The following GRK2 variants were observed in gnomAD, a reference collection of about 807,000 sequenced individuals.
GRK2 encodes the protein adrenergic beta receptor kinase 1.
In GRK2, 23 loss-of-function variants were observed where a neutral mutation model predicts 97.8. The ratio of observed to expected loss-of-function variants is 0.24; its 90% CI spans 0.17 to 0.33. The LOEUF (loss-of-function observed/expected upper bound fraction) is 0.33, where lower values mean the gene tolerates loss of function less well. Among genes scored for constraint, GRK2 ranks in the 10% least tolerant of loss-of-function variants. GRK2 has a pLI of 1.00. For synonymous variants in GRK2, 425 were observed against 381.7 expected (o/e 1.11, Z -1.32); for missense variants, 633 against 956.9 (o/e 0.66, Z 4.47).
At chr11:67,274,013 T>C (rs1859968174) in intron 1 of GRK2, among the ~76,000 whole-genome samples, 1 of 148,640 alleles carries the variant, frequency 6.7e-6, no homozygotes, top group Admixed American at 6.7e-5. Context: ...TGGCACCTTT[T>C]TTTTTTTTTT....
At chr11:67,283,529 G>A (rs745455325) in intron 15 of GRK2, 178 bp from the exon 16 acceptor site, 99 of 668,518 alleles carry the variant, frequency 1.5e-4, no homozygotes, top group Non-Finnish European at 2.3e-4. Context: ...AAATTTACCA[G>A]TGTTAAAACC....
At position 67,269,937 on chromosome 11, in the gene GRK2, G is replaced by A. The variant is rs567567278; in HGVS notation, c.113+3125G>A. 5.9e-5 allele frequency among the ~76,000 whole-genome samples: 9 copies of A among 152,322 alleles called. No homozygotes were observed. The highest frequency in any genetic ancestry group is 5.9e-4 in the Admixed American group (9 of 15,308). The stretch of plus-strand genomic sequence containing the variant: ...CTTCTGTCACCCTATAGAATCCAAG[G>A]AAACAGTCCCTTTCCCCGACCTTCT... On this transcript the variant is annotated intron_variant, in intron 1 of 20. Transcript: ENST00000308595. The surrounding 1 kb of genome is among the most constrained non-coding windows in gnomAD (Gnocchi z 4.1).
In GRK2 at chr11:67,281,197, C is replaced by T; in HGVS notation, c.647+13C>T. 2.5e-6 allele frequency: 4 copies of T among 1,608,510 alleles called. No homozygotes were observed. The highest frequency in any genetic ancestry group is 3.4e-6 in the Non-Finnish European group (4 of 1,176,710). Reference sequence around the variant, plus strand: ...ACACAGGCAAGATGTGAGCACCCTGCTCGGCGCGGTGGGATACCTCGGGGA... The same window carrying T: ...ACACAGGCAAGATGTGAGCACCCTGTTCGGCGCGGTGGGATACCTCGGGGA... On this transcript the variant is annotated intron_variant, in intron 8 of 20. Coordinates refer to ENST00000308595, the MANE Select transcript of GRK2 (RefSeq NM_001619.5). This position sits in a 1 kb window ranked among gnomAD's most constrained non-coding sequence, Gnocchi z 5.7.
chr11:67,281,983 C>T lies in GRK2; in HGVS notation c.957+31C>T, dbSNP rs1403048341. On this transcript the variant is annotated intron_variant, in intron 11 of 20. Transcript: ENST00000308595. This position sits in a 1 kb window ranked among gnomAD's most constrained non-coding sequence, Gnocchi z 5.7. ...CGCCCCTGCTGTCCCCAGGCTGGAC[C>T]TCCGTGGCTGTCCTCTCCTTCCTCT... 6 of 1,612,370 alleles carry T rather than the reference C, an allele frequency of 3.7e-6. No homozygotes were observed. The South Asian group carries it at 5.5e-5, about 15-fold the overall frequency.
At position 67,286,119 on chromosome 11, in the gene GRK2, C is replaced by T. The variant is rs1202424022; in HGVS notation, c.*669C>T. ...TCCCCTCTTGCCCCAACCCCCAGCA[C>T]CCGGGCTCAGGGACCACAGCAAGGC... On this transcript the variant is annotated 3_prime_UTR_variant, in exon 21 of 21. Coordinates refer to ENST00000308595, the MANE Select transcript of GRK2 (RefSeq NM_001619.5). 1 of 440,294 alleles carries T rather than the reference C, an allele frequency of 2.3e-6. No individual in the cohort carries two copies. The highest frequency in any genetic ancestry group is 2.1e-5 in the African/African-American group (1 of 47,686). The allele number at this position is 440,294 out of a possible 1,614,324, so 27.3% of individuals were successfully genotyped here.
Position 67,285,456 on chromosome 11 carries a change from C to A in GRK2, c.*6C>A. On this transcript the variant is annotated 3_prime_UTR_variant, in exon 21 of 21. Transcript: ENST00000308595. ...GCAGTGCCAACGGCCTCTGACCCGC[C>A]CACCCGCCTTTTATAAACCTCTAAT... 6.5e-7 allele frequency: 1 copy of A among 1,531,648 alleles called. No homozygotes were observed. Among genetic ancestry groups the A allele is most frequent in the Non-Finnish European group, 8.8e-7 (1 of 1,141,684 alleles). 94.9% of individuals were successfully genotyped at this position (1,531,648 alleles called of 1,614,324 possible). A position where few individuals can be genotyped will look rare whatever the true frequency, so the allele number is the denominator to read the frequency against.
At position 67,266,767 on chromosome 11, in the gene GRK2, C is replaced by T; in HGVS notation, c.68C>T (p.Thr23Met). Residue 23 changes from threonine to methionine, a missense_variant, in exon 1 of 21, where the codon ACG becomes ATG. Physicochemically the swap from Thr to Met is moderately conservative, Grantham distance 81. This residue lies in a region of GRK2 where 193 missense variants were observed against 212.2 expected (regional missense o/e 0.91). Transcript: ENST00000308595. ...ATGGCCATGGAGAAGAGCAAGGCCACGCCGGCCGCGCGCGCCAGCAAGAAG... is the reference window on the plus strand; with the variant it reads ...ATGGCCATGGAGAAGAGCAAGGCCATGCCGGCCGCGCGCGCCAGCAAGAAG... The part of the protein sequence containing the change: ...YLMAMEKSKA[T>M]PAARASKKIL... 1.5e-6 allele frequency: 2 copies of T among 1,374,344 alleles called. No individual in the cohort carries two copies. Among genetic ancestry groups the T allele is most frequent in the Non-Finnish European group, 1.9e-6 (2 of 1,051,294 alleles). The allele number at this position is 1,374,344 out of a possible 1,614,324, so 85.1% of individuals were successfully genotyped here.
At position 67,285,411 on chromosome 11, in the gene GRK2, G is replaced by C; in HGVS notation, c.2031G>C (p.Lys677Asn). The C allele has an allele frequency of 6.2e-7, 1 of 1,601,074 alleles. No homozygotes were observed. Among genetic ancestry groups the C allele is most frequent in the Non-Finnish European group, 8.5e-7 (1 of 1,173,062 alleles). Residue 677 changes from lysine to asparagine, a missense_variant, in exon 21 of 21, where the codon AAG (lysine) becomes AAC (asparagine). This residue lies in a region of GRK2 where 180 missense variants were observed against 311.3 expected (regional missense o/e 0.58). Coordinates refer to ENST00000308595, the MANE Select transcript of GRK2 (RefSeq NM_001619.5). The part of the protein sequence containing the change: ...KPRSPVVELS[K>N]VPLVQRGSAN... The stretch of plus-strand genomic sequence containing the variant: ...GCTCGCCCGTGGTGGAGCTGAGCAA[G>C]GTGCCGCTGGTCCAGCGCGGCAGTG...
In GRK2 at chr11:67,281,423, G is replaced by C; in HGVS notation, c.648-36G>C. 1 of 1,589,212 alleles carries C rather than the reference G, an allele frequency of 6.3e-7. No individual in the cohort carries two copies. Among genetic ancestry groups the C allele is most frequent in the South Asian group, 1.1e-5 (1 of 90,568 alleles). ...TGAGGCAGCCCTGGGCCCCTGCTCT[G>C]AGGGTGGGTGTTGACTGCCGACCTC... On this transcript the variant is annotated intron_variant, in intron 8 of 20. Coordinates refer to ENST00000308595, the MANE Select transcript of GRK2 (RefSeq NM_001619.5). The surrounding 1 kb of genome is among the most constrained non-coding windows in gnomAD (Gnocchi z 5.7).
chr11:67,286,397 G>A lies in GRK2; in HGVS notation c.*947G>A, dbSNP rs761034699. Reference sequence around the variant, plus strand: ...CCGCATGCCCCCTCGTGCCAGTCGCGCTGCCTGTGTGGTGTCGCGCCTTCT... The same window carrying A: ...CCGCATGCCCCCTCGTGCCAGTCGCACTGCCTGTGTGGTGTCGCGCCTTCT... On this transcript the variant is annotated 3_prime_UTR_variant, in exon 21 of 21. Coordinates refer to ENST00000308595, the MANE Select transcript of GRK2 (RefSeq NM_001619.5). The A allele has an allele frequency of 4.3e-6, 3 of 700,268 alleles. No homozygotes were observed. Among genetic ancestry groups the A allele is most frequent in the South Asian group, 1.5e-5 (1 of 67,460 alleles). 43.4% of individuals were successfully genotyped at this position (700,268 alleles called of 1,614,324 possible). A position where few individuals can be genotyped will look rare whatever the true frequency, so the allele number is the denominator to read the frequency against.
In GRK2 at chr11:67,282,731, T is replaced by A. The variant is rs1436077422; in HGVS notation, c.1161-21T>A. ...CCCCATTCCTGTCCTTTGACATTGGTTTTTGGCCTTTCTTGCCCAGGCACA... is the reference window on the plus strand; with the variant it reads ...CCCCATTCCTGTCCTTTGACATTGGATTTTGGCCTTTCTTGCCCAGGCACA... On this transcript the variant is annotated intron_variant, in intron 13 of 20. Coordinates refer to ENST00000308595, the MANE Select transcript of GRK2 (RefSeq NM_001619.5). This position sits in a 1 kb window ranked among gnomAD's most constrained non-coding sequence, Gnocchi z 6.9. 6.2e-7 allele frequency: 1 copy of A among 1,610,232 alleles called. No homozygotes were observed. The highest frequency in any genetic ancestry group is 2.2e-5 in the East Asian group (1 of 44,776).
intron 14 of GRK2, 93 bp from the exon 15 acceptor site, chr11:67,283,035 C>T: frequency 7.4e-7 from 1 of 1,343,844 alleles, no homozygotes; most frequent in African/African-American, 1.4e-5. Context: ...CCATCTGTCC[C>T]TCTGCGGGGG....
intron 15 of GRK2, 39 bp from the exon 16 acceptor site, chr11:67,283,668 G>C (rs1234741108): frequency 1.9e-6 from 3 of 1,606,708 alleles, no homozygotes; most frequent in Non-Finnish European, 2.6e-6. Context: ...CCGGGACTCA[G>C]GGTGGGGCTG....
intron 1 of GRK2, among the ~76,000 whole-genome samples, chr11:67,275,172 T>A (rs1860002902): frequency 6.6e-6 from 1 of 152,190 alleles, no homozygotes; most frequent in Non-Finnish European, 1.5e-5. Context: ...TCGCTCGGCC[T>A]TTCCTGAGGA....
intron 2 of GRK2, 58 bp downstream of exon 2, chr11:67,277,406 C>G (rs970262922): frequency 6.7e-6 from 10 of 1,503,206 alleles, no homozygotes; most frequent in Non-Finnish European, 9.2e-6. Context: ...CCTACCCCAG[C>G]CAGCCCAGCT....
In GRK2 at chr11:67,284,853, C is replaced by T. The variant is rs2136506284; in HGVS notation, c.1661C>T (p.Ala554Val). The part of the protein sequence containing the change: ...NKQLGHEEDY[A>V]LGKDCIMHGY... ...CCTCTGTCTCTCGCCTCAGACTACG[C>T]CCTGGGCAAGGACTGCATCATGCAT... The change falls in exon 19 of 21, where the codon GCC becomes GTC. Residue 554 changes from alanine (A) to valine (V), a missense_variant. Physicochemically the swap from Ala to Val is moderately conservative, Grantham distance 64 (BLOSUM62 0). Around this residue, in one of 4 missense-constraint regions of GRK2, gnomAD observed 180 missense variants for 311.3 expected, o/e 0.58. Coordinates refer to ENST00000308595, the MANE Select transcript of GRK2 (RefSeq NM_001619.5). The T allele has an allele frequency of 6.2e-7, 1 of 1,612,700 alleles. No individual in the cohort carries two copies. Among genetic ancestry groups the T allele is most frequent in the South Asian group, 1.1e-5 (1 of 91,028 alleles).
Position 67,281,147 on chromosome 11 carries a change from G to A in GRK2, c.610G>A (p.Glu204Lys), listed in dbSNP as rs1221281854. ...CATCATTGGGCGCGGGGGCTTTGGC[G>A]AGGTCTATGGGTGCCGGAAGGCTGA... ...HRIIGRGGFGEVYGCRKADTG... is the reference protein window; with the variant it reads ...HRIIGRGGFGKVYGCRKADTG... The change falls in exon 8 of 21, where the codon GAG becomes AAG. Residue 204 changes from glutamate (E) to lysine (K), a missense_variant. Around this residue, in one of 4 missense-constraint regions of GRK2, gnomAD observed 192 missense variants for 362.3 expected, o/e 0.53. Transcript: ENST00000308595. The surrounding 1 kb of genome is among the most constrained non-coding windows in gnomAD (Gnocchi z 5.7). The A allele has an allele frequency of 7.4e-6, 12 of 1,613,422 alleles. No individual in the cohort carries two copies. The highest frequency in any genetic ancestry group is 4.5e-5 in the East Asian group (2 of 44,878).
rs1860281727 is a variant in GRK2 at position 67,286,321 on chromosome 11, A to G, written c.*871A>G. ...CTGGCCCATCAGTGTACCCCCGCCC[A>G]GGCTGGCCAGCCCCACAGCCCACGT... On this transcript the variant is annotated 3_prime_UTR_variant, in exon 21 of 21. Coordinates refer to ENST00000308595, the MANE Select transcript of GRK2 (RefSeq NM_001619.5). 1 of 673,392 alleles carries G rather than the reference A, an allele frequency of 1.5e-6. No homozygotes were observed. The highest frequency in any genetic ancestry group is 1.5e-5 in the South Asian group (1 of 64,530). 41.7% of individuals were successfully genotyped at this position (673,392 alleles called of 1,614,324 possible).
rs780495040 is a variant in GRK2, at chr11:67,269,506, T to C, written c.113+2694T>C. On this transcript the variant is annotated intron_variant, in intron 1 of 20. Transcript: ENST00000308595. The surrounding 1 kb of genome is among the most constrained non-coding windows in gnomAD (Gnocchi z 4.1). The stretch of plus-strand genomic sequence containing the variant: ...TCGCCTCTGTCCACATTTTGCGGTG[T>C]GGGCTGACTGGCACCCCTTGTCTGG... Among the ~76,000 whole-genome samples, 5 of 152,134 alleles carry C rather than the reference T, an allele frequency of 3.3e-5. No individual in the cohort carries two copies. Among genetic ancestry groups the C allele is most frequent in the African/African-American group, 4.8e-5 (2 of 41,410 alleles).
Sources: gnomAD v4.1 joint callset for allele counts (sites outside exome capture counted in the v4.1 genomes callset) on GRCh38, gnomAD v4.1.1 for gene constraint, gnomAD v4.1.1 regional missense constraint, Gnocchi (gnomAD v3.1) non-coding constraint, MANE v1.5 for transcripts, NCBI Gene and HGNC (gene_info 2026-07-23, HGNC 2026-07-21) for gene names.